Variants in RABGAP1L observed in about 807,000 individuals in gnomAD.
RABGAP1L encodes RAB GTPase activating protein 1 like.
RABGAP1L carries 63 observed loss-of-function variants against 137.7 expected under a neutral mutation model. That is an observed-to-expected ratio of 0.46 (90% CI 0.37 to 0.56). The LOEUF is 0.56. Ranked by LOEUF, RABGAP1L falls within the 20% of genes least tolerant of loss-of-function variation. The probability of loss-of-function intolerance (pLI) is 0.00; values close to 1 mark genes in which losing one functional copy is unlikely to be tolerated. For synonymous variants in RABGAP1L, 431 were observed against 433.7 expected (o/e 0.99, Z 0.08); for missense variants, 1,095 against 1,244.0 (o/e 0.88, Z 1.80).
At chr1:174,822,699 G>C (rs940891640) in intron 19 of RABGAP1L, among the ~76,000 whole-genome samples, 7 of 152,198 alleles carry the variant, frequency 4.6e-5, no homozygotes, top group African/African-American at 1.7e-4. Flanking sequence ...TGCTACTGCT[G>C]ATCAGACAGG....
intron 1 of RABGAP1L, among the ~76,000 whole-genome samples, chr1:174,217,213 A>C (rs936969706): frequency 6.6e-6 from 1 of 152,152 alleles, no homozygotes; most frequent in African/African-American, 2.4e-5. Flanking sequence ...GCAAATCGGG[A>C]CTGGAAACAA....
intron 11 of RABGAP1L, among the ~76,000 whole-genome samples, chr1:174,323,126 T>C (rs934492583): frequency 6.6e-6 from 1 of 152,178 alleles, no homozygotes; most frequent in African/African-American, 2.4e-5. Context: ...AGTTTTCACG[T>C]CTGTCCTACT....
chr1:174,601,591 C>T (rs934143847), intron 13 of RABGAP1L, among the ~76,000 whole-genome samples: 2 of 152,034 alleles, frequency 1.3e-5, no homozygotes, highest in Admixed American at 1.3e-4. Context: ...CATATGTACA[C>T]CTATGTAACA....
chr1:174,903,967 A>AG (rs1558213638), intron 19 of RABGAP1L, among the ~76,000 whole-genome samples: 1 of 151,424 alleles, frequency 6.6e-6, no homozygotes, highest in Non-Finnish European at 1.5e-5. Flanking sequence ...AAAAAAAAAA[A>AG]AAAAAATTCC....
chr1:174,947,392 A>G (rs1309372302), intron 19 of RABGAP1L, among the ~76,000 whole-genome samples: 1 of 150,670 alleles, frequency 6.6e-6, no homozygotes, highest in Non-Finnish European at 1.5e-5. Context: ...TACCATGCCC[A>G]GCCAAGCCTG....
At chr1:174,562,038 A>G (rs2142632) in intron 13 of RABGAP1L, among the ~76,000 whole-genome samples, 53,669 of 152,050 alleles carry the variant, frequency 0.35, 12,148 homozygotes, top group African/African-American at 0.64. Context: ...TTCTGCACAG[A>G]AAGAGACAGT....
At chr1:174,331,573 C>G (rs1184719100) in intron 11 of RABGAP1L, among the ~76,000 whole-genome samples, 1 of 152,100 alleles carries the variant, frequency 6.6e-6, no homozygotes, top group Non-Finnish European at 1.5e-5. Context: ...AAATCAAAAC[C>G]ATAATGAGGT....
In RABGAP1L at chr1:174,699,669, CT is replaced by C. The variant is rs1021720266; in HGVS notation, c.2025+23del. ...AATGCAGGTAAATAAAAATTAGGAA[CT>C]TTTATCACTCAGGGATTTGTTGAGT... On this transcript the variant is annotated intron_variant, in intron 16 of 25. Transcript: ENST00000681986. 4 of 1,581,590 alleles carry C rather than the reference CT, an allele frequency of 2.5e-6. No homozygotes were observed. In the African/African-American group the frequency reaches 4.1e-5, roughly 16 times the overall value.
chr1:174,928,588 T>A (rs1412771901), intron 19 of RABGAP1L, among the ~76,000 whole-genome samples: 1 of 151,982 alleles, frequency 6.6e-6, no homozygotes. Flanking sequence ...CTACATTGAG[T>A]CCTGGGTGGA....
chr1:174,633,611 G>T (rs28781710), intron 13 of RABGAP1L, among the ~76,000 whole-genome samples: 13,041 of 90,674 alleles, frequency 0.14, 1,480 homozygotes, highest in African/African-American at 0.37. Context: ...GCTGGAGGCA[G>T]CACACTACCT....
chr1:174,730,088 A>G (rs1682334823), intron 17 of RABGAP1L, among the ~76,000 whole-genome samples: 1 of 151,834 alleles, frequency 6.6e-6, no homozygotes, highest in Admixed American at 6.5e-5. Context: ...TAAAGAAAAT[A>G]TGGTACACAT....
chr1:174,796,612 G>C (rs923245861), intron 18 of RABGAP1L, among the ~76,000 whole-genome samples: 1 of 152,184 alleles, frequency 6.6e-6, no homozygotes, highest in Non-Finnish European at 1.5e-5. Context: ...AGGGATTTTT[G>C]ATGGGGAAAC....
At chr1:174,501,111 A>G (rs1401027830) in intron 13 of RABGAP1L, among the ~76,000 whole-genome samples, 1 of 152,184 alleles carries the variant, frequency 6.6e-6, no homozygotes, top group Non-Finnish European at 1.5e-5. Flanking sequence ...TCTGGAGTCA[A>G]AAATCTAGGG....
At chr1:174,456,985 A>G (rs1307737371) in intron 13 of RABGAP1L, among the ~76,000 whole-genome samples, 2 of 152,172 alleles carry the variant, frequency 1.3e-5, no homozygotes, top group Non-Finnish European at 2.9e-5. Flanking sequence ...AAGGGCATAA[A>G]TTGTGGTTCT....
intron 18 of RABGAP1L, among the ~76,000 whole-genome samples, chr1:174,799,645 G>T (rs969349876): frequency 1.3e-5 from 2 of 151,956 alleles, no homozygotes; most frequent in African/African-American, 4.8e-5. Flanking sequence ...GCTCGCCATT[G>T]GCTTCTTATT....
chr1:174,709,128 A>T (rs1449667233), intron 17 of RABGAP1L, among the ~76,000 whole-genome samples: 1 of 152,210 alleles, frequency 6.6e-6, no homozygotes, highest in East Asian at 1.9e-4. Context: ...CTCTAGATTC[A>T]TGCTCTCTGG....
intron 18 of RABGAP1L, among the ~76,000 whole-genome samples, chr1:174,756,535 C>CA (rs1684780745): frequency 6.6e-6 from 1 of 151,578 alleles, no homozygotes; most frequent in African/African-American, 2.4e-5. Flanking sequence ...ACTTTTCTGC[C>CA]AAAAAAGGAG....
chr1:174,905,672 G>A (rs768504096), intron 19 of RABGAP1L, among the ~76,000 whole-genome samples: 10 of 152,048 alleles, frequency 6.6e-5, no homozygotes, highest in Non-Finnish European at 8.8e-5. Flanking sequence ...CCAACGTGAT[G>A]AAACCTCATC....
At chr1:174,449,187 G>C (rs1655146558) in intron 13 of RABGAP1L, 2 of 1,596,036 alleles carry the variant, frequency 1.3e-6, no homozygotes, top group South Asian at 1.2e-5. Context: ...GCTAATTCTT[G>C]CTCCATTTGA....
Sources: allele counts gnomAD v4.1 joint callset (sites outside exome capture counted in the v4.1 genomes callset), GRCh38; gene constraint gnomAD v4.1.1; transcripts MANE v1.5; gene names NCBI Gene and HGNC (gene_info 2026-07-23, HGNC 2026-07-21).